Variants in TMEM232 observed in about 807,000 individuals in gnomAD.
TMEM232 encodes transmembrane protein 232.
In TMEM232, 80 loss-of-function variants were observed where a neutral mutation model predicts 78.8. The ratio of observed to expected loss-of-function variants is 1.01; its 90% CI spans 0.85 to 1.22. The LOEUF is 1.22. Ranked by LOEUF, TMEM232 falls within the 50% of genes most tolerant of loss-of-function variation. The pLI is 0.00. For missense variants in TMEM232, 881 were observed against 742.2 expected (o/e 1.19, Z -2.17); for synonymous variants, 297 against 254.3 (o/e 1.17, Z -1.60).
intron 2 of TMEM232, among the ~76,000 whole-genome samples, chr5:110,404,373 A>C (rs1022671675): frequency 2.6e-5 from 4 of 152,094 alleles, no homozygotes; most frequent in Admixed American, 2.0e-4. Flanking sequence ...GCAAGGAAAA[A>C]GTAAAAGATA....
In TMEM232 at chr5:110,566,415, G is replaced by T. The variant is rs10064894; in HGVS notation, c.1455+2032C>A. 4.2e-3 allele frequency among the ~76,000 whole-genome samples: 638 copies of T among 151,866 alleles called. 3 individuals carry two copies. The highest frequency in any genetic ancestry group is 0.014 in the African/African-American group (594 of 41,476). On this transcript the variant is annotated intron_variant, in intron 11 of 13. Transcript: ENST00000455884. ...TTCCTTCCCAAAAAATGGGATGCAG[G>T]CTGCAAATTTTTCAAACTTTTATGC...
intron 11 of TMEM232, among the ~76,000 whole-genome samples, chr5:110,533,202 G>C (rs956202139): frequency 6.6e-6 from 1 of 152,108 alleles, no homozygotes; most frequent in East Asian, 1.9e-4. Flanking sequence ...CTGTACTGCC[G>C]CAAGGCTTCA....
intron 1 of TMEM232, among the ~76,000 whole-genome samples, chr5:110,692,313 G>A (rs1794222383): frequency 6.6e-6 from 1 of 152,162 alleles, no homozygotes; most frequent in Admixed American, 6.5e-5. Context: ...TTTCTTTAAG[G>A]TGAGGGTGGA....
chr5:110,443,905 C>T (rs1354317848), intron 12 of TMEM232, among the ~76,000 whole-genome samples: 1 of 152,188 alleles, frequency 6.6e-6, no homozygotes, highest in Non-Finnish European at 1.5e-5. Context: ...GAATGGGAGT[C>T]TCATGACTCT....
Position 110,638,245 on chromosome 5 carries a change from C to A in TMEM232, c.454G>T (p.Ala152Ser), listed in dbSNP as rs1561432362. 6.5e-7 allele frequency: 1 copy of A among 1,549,342 alleles called. No individual in the cohort carries two copies. Among genetic ancestry groups the A allele is most frequent in the Non-Finnish European group, 8.7e-7 (1 of 1,145,932 alleles). ...GAATATAAATATGTTTTGAGGGATG[C>A]ATCACAACACAGTCTGTATAAAACC... ...ESVLYRLCCDASLKTYLYSVE... is the reference protein window; with the variant it reads ...ESVLYRLCCDSSLKTYLYSVE... Residue 152 changes from alanine to serine, a missense_variant, in exon 5 of 14, where the codon GCA (alanine) becomes TCA (serine). By Grantham distance (99) the Ala-to-Ser change is moderately conservative. Transcript: ENST00000455884.
chr5:110,559,285 A>G (rs1445651523), intron 11 of TMEM232, among the ~76,000 whole-genome samples: 2 of 152,176 alleles, frequency 1.3e-5, no homozygotes. Context: ...GGGGTAGGAA[A>G]ATAGTTCTTA....
At chr5:110,562,003 C>A (rs867434512) in intron 11 of TMEM232, among the ~76,000 whole-genome samples, 9 of 152,116 alleles carry the variant, frequency 5.9e-5, no homozygotes, top group African/African-American at 1.9e-4. Context: ...AGTGTAGAGA[C>A]AATGAGCAAG....
chr5:110,721,659 G>C lies in TMEM232; in HGVS notation c.-13+4968C>G, dbSNP rs1160789692. Among the ~76,000 whole-genome samples the C allele has an allele frequency of 8.6e-5, 2 of 23,240 alleles. 1 individual carries two copies. The highest frequency in any genetic ancestry group is 2.3e-4 in the Non-Finnish European group (2 of 8,822). 15.2% of individuals were successfully genotyped at this position (23,240 alleles called of 152,430 possible). The stretch of plus-strand genomic sequence containing the variant: ...AGATGTGTGAGTCTGCATATCATGT[G>C]TGTGTGTGTGTGTGTATATATATAT... On this transcript the variant is annotated intron_variant, in intron 1 of 13. Coordinates refer to ENST00000455884, the MANE Select transcript of TMEM232 (RefSeq NM_001039763.4).
At chr5:110,522,245 G>A (rs1010608546) in intron 12 of TMEM232, among the ~76,000 whole-genome samples, 1 of 152,058 alleles carries the variant, frequency 6.6e-6, no homozygotes, top group Admixed American at 6.5e-5. Context: ...GTACAGATAT[G>A]TAACAGATTT....
chr5:110,621,282 A>C (rs903049519), intron 7 of TMEM232, among the ~76,000 whole-genome samples: 1 of 152,204 alleles, frequency 6.6e-6, no homozygotes, highest in Non-Finnish European at 1.5e-5. Flanking sequence ...CACATATATC[A>C]TCAGTGCAGA....
chr5:110,507,624 T>C (rs1408698806), intron 12 of TMEM232, among the ~76,000 whole-genome samples: 2 of 152,214 alleles, frequency 1.3e-5, no homozygotes, highest in Non-Finnish European at 2.9e-5. Flanking sequence ...TGCTGACTGT[T>C]AACAGGCTTG....
chr5:110,593,714 G>C (rs1779813998), intron 10 of TMEM232, among the ~76,000 whole-genome samples: 1 of 151,516 alleles, frequency 6.6e-6, no homozygotes, highest in African/African-American at 2.4e-5. Context: ...GTTGTCAATG[G>C]GTACAAAAAA....
chr5:110,408,346 C>G (rs1446939318), intron 2 of TMEM232, among the ~76,000 whole-genome samples: 1 of 152,170 alleles, frequency 6.6e-6, no homozygotes, highest in Non-Finnish European at 1.5e-5. Flanking sequence ...AATCCCAGCA[C>G]TTTGGCAGGC....
Position 110,618,432 on chromosome 5 carries a change from C to A in TMEM232, c.899G>T (p.Cys300Phe). 6.5e-7 allele frequency: 1 copy of A among 1,550,298 alleles called. No individual in the cohort carries two copies. The highest frequency in any genetic ancestry group is 8.7e-7 in the Non-Finnish European group (1 of 1,146,530). ...VFHKTQLQKK[C>F]WLDSVLALLV... ...GGATTTATAGGATCACTCTTACCAG[C>A]ATTTCTTTTGAAGCTGTGTCTTATG... The change falls in exon 8 of 14, where the codon TGC becomes TTC. Residue 300 changes from cysteine (C) to phenylalanine (F), a missense_variant. Cys to Phe is a radical substitution (Grantham distance 205). Transcript: ENST00000455884.
intron 12 of TMEM232, among the ~76,000 whole-genome samples, chr5:110,480,469 C>T (rs183721553): frequency 6.6e-6 from 1 of 152,038 alleles, no homozygotes; most frequent in East Asian, 1.9e-4. Flanking sequence ...ATTGACCATA[C>T]CTGAGTAAAA....
intron 12 of TMEM232, among the ~76,000 whole-genome samples, chr5:110,511,555 A>G (rs1484042660): frequency 6.6e-6 from 1 of 152,122 alleles, no homozygotes; most frequent in Non-Finnish European, 1.5e-5. Flanking sequence ...ATATTCATTT[A>G]TGTAATAATA....
At chr5:110,720,716 T>G (rs1272613280) in intron 1 of TMEM232, 1 of 152,172 alleles carries the variant, frequency 6.6e-6, no homozygotes, top group African/African-American at 2.4e-5. Flanking sequence ...CAAGTAAATT[T>G]ATTCCAAATT....
chr5:110,517,294 G>C (rs1381325728), intron 12 of TMEM232, among the ~76,000 whole-genome samples: 3 of 152,172 alleles, frequency 2.0e-5, no homozygotes, highest in Non-Finnish European at 2.9e-5. Context: ...CTAACAAAAG[G>C]AGCTAGCTAT....
At chr5:110,517,619 A>T (rs1042589302) in intron 12 of TMEM232, among the ~76,000 whole-genome samples, 4 of 152,170 alleles carry the variant, frequency 2.6e-5, no homozygotes, top group African/African-American at 9.7e-5. Context: ...CACATAGACT[A>T]TGTGAATGGT....
Sources: gnomAD v4.1 joint callset for allele counts (sites outside exome capture counted in the v4.1 genomes callset) on GRCh38, gnomAD v4.1.1 for gene constraint, MANE v1.5 for transcripts, NCBI Gene and HGNC (gene_info 2026-07-23, HGNC 2026-07-21) for gene names.